GPC3: variants seen among roughly 807,000 people sequenced by gnomAD.
GPC3 encodes glypican-3.
In GPC3, 3 loss-of-function variants were observed where a neutral mutation model predicts 34.4. The ratio of observed to expected loss-of-function variants is 0.09; its 90% CI spans 0.04 to 0.23. GPC3 has a LOEUF of 0.23. Ranked by LOEUF, GPC3 falls within the 10% of genes least tolerant of loss-of-function variation. The pLI is 1.00. For synonymous variants in GPC3, 177 were observed against 174.0 expected, an observed-to-expected ratio of 1.02 and a Z score of -0.13; for missense variants, 351 against 445.6, an observed-to-expected ratio of 0.79 and a Z score of 1.91.
rs778396535 is a variant in GPC3 at position 133,575,429 on chromosome X, C to G, written c.1573+21011G>C. On this transcript the variant is annotated intron_variant, in intron 7 of 7. Coordinates refer to ENST00000370818, the MANE Select transcript of GPC3 (RefSeq NM_004484.4). Reference sequence around the variant, plus strand: ...TCACTCCAACATTCATTTTGACTTCCCATAACATGCAATTCTCTAACATAC... The same window carrying G: ...TCACTCCAACATTCATTTTGACTTCGCATAACATGCAATTCTCTAACATAC... Among the ~76,000 whole-genome samples the G allele has an allele frequency of 2.9e-3, 327 of 111,955 alleles. 1 individual carries two copies. Among genetic ancestry groups the G allele is most frequent in the African/African-American group, 0.01 (309 of 30,823 alleles).
At chrX:133,950,536 C>T (rs966875376) in intron 2 of GPC3, among the ~76,000 whole-genome samples, 2 of 112,048 alleles carry the variant, frequency 1.8e-5, no homozygotes, top group African/African-American at 6.5e-5. Flanking sequence ...CTAGCAAAAG[C>T]CGTCACATCA....
intron 7 of GPC3, among the ~76,000 whole-genome samples, chrX:133,595,051 C>T (rs1021595592): frequency 9.1e-6 from 1 of 109,496 alleles, no homozygotes; most frequent in Non-Finnish European, 1.9e-5. Flanking sequence ...AGAGAGAGAC[C>T]CTATCTCAAA....
At chrX:133,921,256 C>G (rs1371317751) in intron 2 of GPC3, among the ~76,000 whole-genome samples, 1 of 111,546 alleles carries the variant, frequency 9.0e-6, no homozygotes, top group African/African-American at 3.3e-5. Context: ...TCTCCGGGCC[C>G]CTCTTAGCTC....
chrX:133,665,510 C>T (rs768103052), intron 5 of GPC3, among the ~76,000 whole-genome samples: 275 of 112,328 alleles, frequency 2.4e-3, no homozygotes, highest in Middle Eastern at 9.3e-3. Context: ...AAATCTAGTT[C>T]TGACATTCAT....
At chrX:133,971,131 G>A (rs1461082603) in intron 1 of GPC3, among the ~76,000 whole-genome samples, 1 of 112,153 alleles carries the variant, frequency 8.9e-6, no homozygotes, top group Non-Finnish European at 1.9e-5. Flanking sequence ...AGCATTCAAT[G>A]TAAGAAAAGA....
intron 2 of GPC3, among the ~76,000 whole-genome samples, chrX:133,951,900 T>A (rs1003426961): frequency 9.0e-6 from 1 of 111,313 alleles, no homozygotes; most frequent in Admixed American, 9.6e-5. Context: ...TCAACACACC[T>A]TACAATTCAG....
rs1036237112 is a variant in GPC3 at position 133,700,125 on chromosome X, A to G, written c.1033-97T>C. On this transcript the variant is annotated intron_variant, in intron 3 of 7. Coordinates refer to ENST00000370818, the MANE Select transcript of GPC3 (RefSeq NM_004484.4). ...CACTTCAATTTCTTCCCCCAATTTTAAATAGCAGAACAAAGCTATGACTAG... is the reference window on the plus strand; with the variant it reads ...CACTTCAATTTCTTCCCCCAATTTTGAATAGCAGAACAAAGCTATGACTAG... The G allele has an allele frequency of 2.0e-5, 13 of 650,298 alleles. No homozygotes were observed. The African/African-American group carries it at 2.6e-4, about 13-fold the overall frequency. The allele number at this position is 650,298 out of a possible 1,213,427, so 53.6% of individuals were successfully genotyped here.
intron 2 of GPC3, among the ~76,000 whole-genome samples, chrX:133,848,150 C>A (rs1256580541): frequency 9.0e-6 from 1 of 111,718 alleles, no homozygotes; most frequent in Non-Finnish European, 1.9e-5. Context: ...ATTATGAAAG[C>A]ATCCATTACA....
chrX:133,680,872 C>T (rs2070935426), intron 5 of GPC3, among the ~76,000 whole-genome samples: 1 of 111,844 alleles, frequency 8.9e-6, no homozygotes, highest in East Asian at 2.8e-4. Context: ...GCCTAGCGCA[C>T]ACCCTTAGAT....
chrX:133,724,945 A>G (rs1252548427), intron 3 of GPC3, among the ~76,000 whole-genome samples: 1 of 111,334 alleles, frequency 9.0e-6, no homozygotes, highest in East Asian at 2.8e-4. Flanking sequence ...ATAAAGAAAT[A>G]GCTGTTTGGA....
intron 2 of GPC3, among the ~76,000 whole-genome samples, chrX:133,918,837 T>C (rs958947064): frequency 1.3e-4 from 15 of 112,245 alleles, no homozygotes; most frequent in African/African-American, 3.9e-4. Flanking sequence ...CAAAAGATGC[T>C]GTCTCCTGTC....
chrX:133,630,521 G>A lies in GPC3; in HGVS notation c.1413+31209C>T, dbSNP rs143670545. On this transcript the variant is annotated intron_variant, in intron 6 of 7. Coordinates refer to ENST00000370818, the MANE Select transcript of GPC3 (RefSeq NM_004484.4). ...TTGGAAATGGCTGCTGTCTGTACTGGAATGACTGGATGCCTTAATGAAATT... is the reference window on the plus strand; with the variant it reads ...TTGGAAATGGCTGCTGTCTGTACTGAAATGACTGGATGCCTTAATGAAATT... Among the ~76,000 whole-genome samples, 1,102 of 111,941 alleles carry A rather than the reference G, an allele frequency of 9.8e-3. 14 individuals are homozygous for A. The highest frequency in any genetic ancestry group is 0.034 in the African/African-American group (1,063 of 30,851).
chrX:133,610,929 C>G (rs2070103505), intron 6 of GPC3, among the ~76,000 whole-genome samples: 1 of 106,783 alleles, frequency 9.4e-6, no homozygotes, highest in Non-Finnish European at 1.9e-5. Flanking sequence ...CACCTCCCCC[C>G]AACCCCGACT....
At chrX:133,843,170 T>G (rs1379667368) in intron 2 of GPC3, among the ~76,000 whole-genome samples, 1 of 111,505 alleles carries the variant, frequency 9.0e-6, no homozygotes, top group African/African-American at 3.3e-5. Flanking sequence ...CCAGCCAACA[T>G]TAGATTGCAA....
chrX:133,543,153 G>A (rs2069356343), intron 7 of GPC3, among the ~76,000 whole-genome samples: 2 of 110,449 alleles, frequency 1.8e-5, no homozygotes, highest in South Asian at 4.0e-4. Context: ...CAGTCTCGCC[G>A]TGTCACCCAG....
At chrX:133,690,059 C>T in intron 5 of GPC3, among the ~76,000 whole-genome samples, 1 of 111,631 alleles carries the variant, frequency 9.0e-6, no homozygotes, top group East Asian at 2.8e-4. Flanking sequence ...TTTAGGATGA[C>T]AAATATACAT....
chrX:133,976,286 C>T (rs1235110841), intron 1 of GPC3, among the ~76,000 whole-genome samples: 1 of 111,664 alleles, frequency 9.0e-6, no homozygotes, highest in East Asian at 2.8e-4. Context: ...GTGCTGGAAC[C>T]AGGCAGGTTG....
chrX:133,772,501 C>T (rs1230448289), intron 2 of GPC3, among the ~76,000 whole-genome samples: 1 of 111,397 alleles, frequency 9.0e-6, no homozygotes, highest in East Asian at 2.8e-4. Context: ...TTGATGGTAT[C>T]GTCATACCCC....
intron 3 of GPC3, among the ~76,000 whole-genome samples, chrX:133,739,689 A>T (rs934100638): frequency 9.1e-6 from 1 of 109,729 alleles, no homozygotes; most frequent in African/African-American, 3.3e-5. Context: ...CTACTAAAAA[A>T]AAAACAAAAA....
Sources: allele counts gnomAD v4.1 joint callset (sites outside exome capture counted in the v4.1 genomes callset), GRCh38; gene constraint gnomAD v4.1.1; transcripts MANE v1.5; gene names NCBI Gene and HGNC (gene_info 2026-07-23, HGNC 2026-07-21).